The following MAD1L1 variants were observed in gnomAD, a reference collection of about 807,000 sequenced individuals.
The protein encoded by MAD1L1 is mitotic arrest deficient 1 like 1, also known as mitotic spindle assembly checkpoint protein MAD1.
MAD1L1 carries 95 observed loss-of-function variants against 96.9 expected under a neutral mutation model. The observed-to-expected ratio is 0.98, with a 90% CI of 0.83 to 1.16. The LOEUF is 1.16. Among genes scored for constraint, MAD1L1 ranks in the 50% most tolerant of loss-of-function variants. The pLI is 0.00. For missense variants in MAD1L1, 1,007 were observed against 954.4 expected (o/e 1.06, Z -0.73); for synonymous variants, 473 against 396.6 (o/e 1.19, Z -2.29).
At chr7:2,063,226 G>A (rs963609564) in intron 12 of MAD1L1, among the ~76,000 whole-genome samples, 1 of 152,254 alleles carries the variant, frequency 6.6e-6, no homozygotes, top group Non-Finnish European at 1.5e-5. Context: ...AAGACTGGAC[G>A]TGGGGTGGGT....
At chr7:2,193,936 A>ATTTTTTTTTTTTTTTT (rs35067993) in intron 10 of MAD1L1, among the ~76,000 whole-genome samples, 1 of 82,802 alleles carries the variant, frequency 1.2e-5, no homozygotes. Context: ...CTCTGCATGG[A>ATTTTTTTTTTTTTTTT]TTTTTTTTTT....
intron 17 of MAD1L1, among the ~76,000 whole-genome samples, chr7:1,922,046 C>T (rs1467438518): frequency 2.0e-5 from 3 of 152,210 alleles, no homozygotes; most frequent in African/African-American, 7.2e-5. Flanking sequence ...ATGAAGAAAC[C>T]AATCAGCCCT....
intron 10 of MAD1L1, among the ~76,000 whole-genome samples, chr7:2,153,280 C>CCAA (rs1789669245): frequency 3.9e-5 from 6 of 152,162 alleles, no homozygotes; most frequent in Non-Finnish European, 8.8e-5. Context: ...TATCTGTCAA[C>CCAA]TCTTCGGCCA....
intron 18 of MAD1L1, among the ~76,000 whole-genome samples, chr7:1,863,471 C>G (rs1784628120): frequency 6.6e-6 from 1 of 152,240 alleles, no homozygotes; most frequent in Non-Finnish European, 1.5e-5. Context: ...GCACTTCAGT[C>G]CTGGGGAGGG....
chr7:1,868,512 A>G (rs902757784), intron 18 of MAD1L1, among the ~76,000 whole-genome samples: 1 of 151,746 alleles, frequency 6.6e-6, no homozygotes, highest in African/African-American at 2.4e-5. Context: ...ACACAAAGAA[A>G]GTACAGGCTC....
At chr7:2,180,778 C>T (rs969389380) in intron 10 of MAD1L1, among the ~76,000 whole-genome samples, 14 of 152,090 alleles carry the variant, frequency 9.2e-5, no homozygotes, top group African/African-American at 3.4e-4. Context: ...TTTATTAGCT[C>T]TAATAATTTT....
chr7:2,215,958 T>C lies in MAD1L1; in HGVS notation c.851A>G (p.Glu284Gly), dbSNP rs779993878. The C allele has an allele frequency of 1.4e-4, 227 of 1,614,024 alleles. No homozygotes were observed. Among genetic ancestry groups the C allele is most frequent in the Non-Finnish European group, 1.8e-4 (211 of 1,180,028 alleles). The change falls in exon 9 of 19, where the codon GAA (glutamate) becomes GGA (glycine). Residue 284 changes from glutamate to glycine, a missense_variant. Coordinates refer to ENST00000265854, the MANE Select transcript of MAD1L1 (RefSeq NM_001013836.2). ...ETNGLLQEEL[E>G]GLQRKLGRQE... The stretch of plus-strand genomic sequence containing the variant: ...GCGCCCCAGCTTCCTCTGCAGCCCT[T>C]CCAGCTCTTCCTGGAGCAGCCCGTT...
At chr7:2,027,006 A>T (rs1562619012) in intron 12 of MAD1L1, among the ~76,000 whole-genome samples, 1 of 152,174 alleles carries the variant, frequency 6.6e-6, no homozygotes. Context: ...CAGATTACAA[A>T]GAATAAGCAA....
intron 17 of MAD1L1, among the ~76,000 whole-genome samples, chr7:1,907,860 G>A (rs1388722386): frequency 2.0e-5 from 3 of 152,186 alleles, no homozygotes; most frequent in Non-Finnish European, 4.4e-5. Context: ...TGGAGTGAGG[G>A]GGCAGTGCGG....
At chr7:1,863,361 G>T (rs1206056297) in intron 18 of MAD1L1, among the ~76,000 whole-genome samples, 2 of 152,272 alleles carry the variant, frequency 1.3e-5, no homozygotes, top group African/African-American at 4.8e-5. Flanking sequence ...CAGAAAGGCA[G>T]CTACCGGCAG....
chr7:2,147,588 G>A (rs1789372468), intron 11 of MAD1L1, among the ~76,000 whole-genome samples: 1 of 152,156 alleles, frequency 6.6e-6, no homozygotes, highest in East Asian at 1.9e-4. Flanking sequence ...GAACAGGACG[G>A]AGCACCAAGC....
intron 15 of MAD1L1, among the ~76,000 whole-genome samples, chr7:1,977,846 C>A (rs535910926): frequency 1.3e-5 from 2 of 152,246 alleles, no homozygotes; most frequent in African/African-American, 4.8e-5. Flanking sequence ...TGGGCAGCCA[C>A]GGGCCGGGAC....
intron 16 of MAD1L1, among the ~76,000 whole-genome samples, chr7:1,942,670 T>A (rs1779055321): frequency 6.6e-6 from 1 of 152,174 alleles, no homozygotes; most frequent in East Asian, 1.9e-4. Flanking sequence ...AAACATCCCA[T>A]GTCTCGGATC....
chr7:2,168,578 G>A (rs546173737), intron 10 of MAD1L1, among the ~76,000 whole-genome samples: 5 of 152,376 alleles, frequency 3.3e-5, no homozygotes, highest in Admixed American at 6.5e-5. Flanking sequence ...TAAAAGGGAG[G>A]AAGGGACCAG....
chr7:2,145,649 A>G (rs1049517913), intron 11 of MAD1L1, among the ~76,000 whole-genome samples: 1 of 152,120 alleles, frequency 6.6e-6, no homozygotes, highest in Non-Finnish European at 1.5e-5. Flanking sequence ...CCGGCTCGGC[A>G]TCTGCTCACT....
intron 11 of MAD1L1, among the ~76,000 whole-genome samples, chr7:2,112,473 G>A (rs1230986344): frequency 4.6e-5 from 7 of 152,314 alleles, no homozygotes; most frequent in African/African-American, 9.6e-5. Flanking sequence ...AGGACAGAAC[G>A]GCCTGTCCAC....
intron 16 of MAD1L1, among the ~76,000 whole-genome samples, chr7:1,947,740 C>G (rs6957370): frequency 1.3e-5 from 2 of 152,376 alleles, no homozygotes; most frequent in African/African-American, 4.8e-5. Flanking sequence ...GCCTCTGTAA[C>G]AAGCCCAGGC....
chr7:2,228,785 G>C (rs1402909987), intron 3 of MAD1L1, among the ~76,000 whole-genome samples: 1 of 151,390 alleles, frequency 6.6e-6, no homozygotes, highest in Admixed American at 6.6e-5. Context: ...CTGTCACCCA[G>C]GCTGGAGTGC....
At chr7:2,018,289 A>G (rs1782632909) in intron 12 of MAD1L1, among the ~76,000 whole-genome samples, 1 of 152,248 alleles carries the variant, frequency 6.6e-6, no homozygotes, top group Admixed American at 6.5e-5. Flanking sequence ...AGAACGCCTC[A>G]GCCTCACTGC....
Sources: allele counts gnomAD v4.1 joint callset (sites outside exome capture counted in the v4.1 genomes callset), GRCh38; gene constraint gnomAD v4.1.1; transcripts MANE v1.5; gene names NCBI Gene and HGNC (gene_info 2026-07-23, HGNC 2026-07-21).